The following MDGA2 variants were observed in gnomAD, a reference collection of about 807,000 sequenced individuals.
MDGA2 encodes MAM domain containing glycosylphosphatidylinositol anchor 2.
Under a neutral mutation model 117.8 loss-of-function variants are expected in MDGA2, and 40 were observed. The observed-to-expected ratio is 0.34, with a 90% confidence interval of 0.26 to 0.44. The LOEUF (loss-of-function observed/expected upper bound fraction) is 0.44, where lower values mean the gene tolerates loss of function less well. MDGA2 is among the 20% of genes least tolerant of loss of function. The probability of loss-of-function intolerance (pLI) is 1.00; values close to 1 mark genes in which losing one functional copy is unlikely to be tolerated. For missense variants in MDGA2, 1,123 were observed against 1,250.6 expected (o/e 0.90, Z 1.54); for synonymous variants, 452 against 439.0 (o/e 1.03, Z -0.37).
At chr14:47,259,619 T>C (rs1352344097) in intron 2 of MDGA2, among the ~76,000 whole-genome samples, 2 of 152,082 alleles carry the variant, frequency 1.3e-5, no homozygotes, top group Non-Finnish European at 2.9e-5. Context: ...CCCACAGTAC[T>C]AGTATTCCAT....
chr14:47,424,808 C>G (rs971435931), intron 1 of MDGA2, among the ~76,000 whole-genome samples: 1 of 152,148 alleles, frequency 6.6e-6, no homozygotes, highest in Non-Finnish European at 1.5e-5. Context: ...AGTTCTCATT[C>G]TCCACCTACC....
At position 46,881,080 on chromosome 14, in the gene MDGA2, T is replaced by C. The variant is rs569711285; in HGVS notation, c.2416+964A>G. The stretch of plus-strand genomic sequence containing the variant: ...TTTTTAACATTAGCAATATGAAAAA[T>C]GAATGGCCACCAACAACCAAGACCA... On this transcript the variant is annotated intron_variant, in intron 11 of 16. Coordinates refer to ENST00000399232, the MANE Select transcript of MDGA2 (RefSeq NM_001113498.3). 1.0e-3 allele frequency among the ~76,000 whole-genome samples: 151 copies of C among 146,868 alleles called. 3 individuals are homozygous for C. Among genetic ancestry groups the C allele is most frequent in the Admixed American group, 6.8e-4 (10 of 14,722 alleles).
At chr14:47,145,452 C>G (rs1882903031) in intron 3 of MDGA2, among the ~76,000 whole-genome samples, 1 of 152,134 alleles carries the variant, frequency 6.6e-6, no homozygotes, top group Non-Finnish European at 1.5e-5. Context: ...ATGGCATATT[C>G]CAGGTTCTTT....
chr14:46,872,754 G>A (rs1882060324), intron 14 of MDGA2, among the ~76,000 whole-genome samples: 2 of 151,806 alleles, frequency 1.3e-5, no homozygotes, highest in Admixed American at 1.3e-4. Flanking sequence ...TCAGTTCTCA[G>A]GATTTTAGAA....
chr14:46,845,962 T>C, intron 15 of MDGA2, 91 bp from the exon 16 acceptor site: 1 of 881,384 alleles, frequency 1.1e-6, no homozygotes. Flanking sequence ...AATAAACTTG[T>C]CAGTAATCCT....
At chr14:47,350,830 G>A (rs1890862345) in intron 1 of MDGA2, among the ~76,000 whole-genome samples, 1 of 152,220 alleles carries the variant, frequency 6.6e-6, no homozygotes, top group South Asian at 2.1e-4. Flanking sequence ...AGACAAGGGA[G>A]TTCTGAGTGC....
chr14:47,331,055 T>C (rs1437422409), intron 1 of MDGA2, among the ~76,000 whole-genome samples: 10 of 151,874 alleles, frequency 6.6e-5, no homozygotes, highest in Admixed American at 6.6e-4. Flanking sequence ...TCTTCTTAGG[T>C]TTACTAAACC....
At chr14:47,436,074 C>G (rs1892891699) in intron 1 of MDGA2, among the ~76,000 whole-genome samples, 1 of 152,020 alleles carries the variant, frequency 6.6e-6, no homozygotes. Flanking sequence ...TCTGTGCACC[C>G]AAAACTTCAA....
At chr14:47,535,479 C>T (rs944097415) in intron 1 of MDGA2, among the ~76,000 whole-genome samples, 2 of 152,184 alleles carry the variant, frequency 1.3e-5, no homozygotes, top group Non-Finnish European at 1.5e-5. Context: ...TGAGAGGTAA[C>T]TGGCAGTCAT....
intron 16 of MDGA2, 52 bp downstream of exon 16, chr14:46,845,714 A>T (rs1880810342): frequency 9.4e-7 from 1 of 1,059,598 alleles, no homozygotes; most frequent in Non-Finnish European, 1.4e-6. Flanking sequence ...TTAATTTAAT[A>T]GTAATGTTAC....
At chr14:47,467,279 G>T (rs1566471714) in intron 1 of MDGA2, among the ~76,000 whole-genome samples, 1 of 152,046 alleles carries the variant, frequency 6.6e-6, no homozygotes, top group African/African-American at 2.4e-5. Flanking sequence ...TGTACCAATG[G>T]CTGACTATGG....
intron 6 of MDGA2, among the ~76,000 whole-genome samples, chr14:47,064,610 A>C (rs899685702): frequency 4.6e-5 from 7 of 152,070 alleles, no homozygotes; most frequent in African/African-American, 1.7e-4. Context: ...ACGTGGTCCA[A>C]GATGGGCAAT....
intron 4 of MDGA2, among the ~76,000 whole-genome samples, chr14:47,141,589 G>A (rs1882720587): frequency 6.6e-6 from 1 of 152,104 alleles, no homozygotes; most frequent in Non-Finnish European, 1.5e-5. Flanking sequence ...TGGATCTGGA[G>A]GACATTATGT....
At chr14:47,058,843 G>A (rs1889775971) in intron 7 of MDGA2, 1 of 985,652 alleles carries the variant, frequency 1.0e-6, no homozygotes, top group Non-Finnish European at 1.2e-6. Context: ...AGGCCATCTA[G>A]CCTCAAGAGC....
intron 3 of MDGA2, among the ~76,000 whole-genome samples, chr14:47,147,814 T>C (rs1029969318): frequency 2.0e-5 from 3 of 152,164 alleles, no homozygotes; most frequent in African/African-American, 7.2e-5. Flanking sequence ...AGTAGGACTA[T>C]ATCCATCATC....
At chr14:47,198,086 G>A (rs1885354166) in intron 3 of MDGA2, among the ~76,000 whole-genome samples, 1 of 152,114 alleles carries the variant, frequency 6.6e-6, no homozygotes, top group Admixed American at 6.5e-5. Context: ...TCATAGCCAT[G>A]TAATTATATC....
At chr14:47,478,385 T>C (rs1490857888) in intron 1 of MDGA2, among the ~76,000 whole-genome samples, 1 of 152,164 alleles carries the variant, frequency 6.6e-6, no homozygotes, top group African/African-American at 2.4e-5. Flanking sequence ...GAAAATATTA[T>C]TATTATTTAG....
chr14:47,302,491 T>C (rs1889316198), intron 1 of MDGA2, among the ~76,000 whole-genome samples: 1 of 152,170 alleles, frequency 6.6e-6, no homozygotes, highest in Non-Finnish European at 1.5e-5. Context: ...TATATCTTCA[T>C]GTAAAGGACA....
chr14:46,997,410 C>T (rs193128451), intron 8 of MDGA2, among the ~76,000 whole-genome samples: 101 of 151,984 alleles, frequency 6.6e-4, no homozygotes, highest in African/African-American at 2.4e-3. Flanking sequence ...CAGAATTTCC[C>T]GAAGAAATTA....
Sources: gnomAD v4.1 joint callset for allele counts (sites outside exome capture counted in the v4.1 genomes callset) on GRCh38, gnomAD v4.1.1 for gene constraint, MANE v1.5 for transcripts, NCBI Gene and HGNC (gene_info 2026-07-23, HGNC 2026-07-21) for gene names.